Variants in ZBTB20 observed in about 807,000 individuals in gnomAD.
ZBTB20 encodes the protein zinc finger and BTB domain containing 20, also known as zinc finger and BTB domain-containing protein 20.
A neutral mutation model predicts 56.9 loss-of-function variants in ZBTB20; 9 were observed. The ratio of observed to expected loss-of-function variants is 0.16; its 90% confidence interval spans 0.10 to 0.28. The LOEUF is 0.28. Ranked by LOEUF, ZBTB20 falls within the 10% of genes least tolerant of loss-of-function variation. The pLI is 1.00. For missense variants in ZBTB20, 655 were observed against 1,003.0 expected (o/e 0.65, Z 4.69); for synonymous variants, 417 against 420.7 (o/e 0.99, Z 0.11).
intron 4 of ZBTB20, among the ~76,000 whole-genome samples, chr3:114,826,931 G>C (rs2073559043): frequency 6.6e-6 from 1 of 151,574 alleles, no homozygotes; most frequent in Non-Finnish European, 1.5e-5. Context: ...TATTGAACAA[G>C]GTATGTATGT....
chr3:114,508,923 T>C (rs372356512), intron 6 of ZBTB20, among the ~76,000 whole-genome samples: 72 of 152,124 alleles, frequency 4.7e-4, no homozygotes, highest in African/African-American at 1.6e-3. Context: ...AAGAAACGTT[T>C]TGTTTAGTAT....
intron 2 of ZBTB20, among the ~76,000 whole-genome samples, chr3:115,019,984 A>T (rs532789127): frequency 2.7e-4 from 41 of 151,436 alleles, no homozygotes; most frequent in African/African-American, 9.6e-4. Flanking sequence ...AGAACAGTCC[A>T]GCTAACAGAA....
chr3:114,844,930 T>C (rs1169522403), intron 4 of ZBTB20, among the ~76,000 whole-genome samples: 1 of 151,472 alleles, frequency 6.6e-6, no homozygotes, highest in Non-Finnish European at 1.5e-5. Flanking sequence ...TGTATATTAT[T>C]GAGTTTTCGA....
At chr3:115,051,697 T>C (rs1430274403) in intron 2 of ZBTB20, among the ~76,000 whole-genome samples, 1 of 152,206 alleles carries the variant, frequency 6.6e-6, no homozygotes, top group Admixed American at 6.5e-5. Context: ...CAGCAAGTTC[T>C]TTTTCCAATT....
chr3:114,470,685 A>G (rs911606040), intron 7 of ZBTB20, among the ~76,000 whole-genome samples: 1 of 152,056 alleles, frequency 6.6e-6, no homozygotes, highest in African/African-American at 2.4e-5. Flanking sequence ...TTGTCCATGG[A>G]TTTTAAGTGG....
At chr3:114,531,118 T>C (rs2110027956) in intron 6 of ZBTB20, among the ~76,000 whole-genome samples, 1 of 152,298 alleles carries the variant, frequency 6.6e-6, no homozygotes, top group East Asian at 1.9e-4. Context: ...TCCTGGGCAT[T>C]TTAAGAAAAT....
intron 7 of ZBTB20, among the ~76,000 whole-genome samples, chr3:114,389,887 C>CAAAAAAAAAAAAAAAAAAAAAAAAAA (rs34247337): frequency 1.3e-5 from 1 of 77,630 alleles, no homozygotes. Context: ...GAGTCCATCT[C>CAAAAAAAAAAAAAAAAAAAAAAAAAA]AAAAAAAAAA....
intron 4 of ZBTB20, among the ~76,000 whole-genome samples, chr3:114,893,821 A>G (rs1425549491): frequency 1.3e-5 from 2 of 152,210 alleles, no homozygotes; most frequent in East Asian, 3.8e-4. Context: ...TGCCATCCAT[A>G]CAAATGGGGG....
At chr3:114,385,277 G>A (rs985435741) in intron 8 of ZBTB20, among the ~76,000 whole-genome samples, 2 of 152,076 alleles carry the variant, frequency 1.3e-5, no homozygotes, top group African/African-American at 4.8e-5. Context: ...CTTAGTATCT[G>A]GGCAGGAGAG....
At chr3:115,118,189 C>A (rs951015538) in intron 1 of ZBTB20, among the ~76,000 whole-genome samples, 6 of 152,092 alleles carry the variant, frequency 3.9e-5, no homozygotes, top group Non-Finnish European at 8.8e-5. Flanking sequence ...TATTGTAGAT[C>A]TCTTTTTTAA....
rs765023562 is a variant in ZBTB20, at chr3:114,339,269, G to A, written c.1962C>T (p.Arg654=). ...CGTAGGACTTCTCTCCCCGGTGGAG[G>A]CGCATGTGCACGTTGAGGGAGCTCT... The part of the protein sequence containing the change: ...TQKSSLNVHM[R]LHRGEKSYEC... Residue 654 remains arginine, a synonymous_variant, in exon 12 of 12, where the codon CGC becomes CGT. Coordinates refer to ENST00000675478, the MANE Select transcript of ZBTB20 (RefSeq NM_001348800.3). This position sits in a 1 kb window ranked among gnomAD's most constrained non-coding sequence, Gnocchi z 4.2. 7 of 1,614,224 alleles carry A rather than the reference G, an allele frequency of 4.3e-6. No homozygotes were observed. The highest frequency in any genetic ancestry group is 1.6e-4 in the Middle Eastern group (1 of 6,062).
intron 1 of ZBTB20, among the ~76,000 whole-genome samples, chr3:115,135,036 T>C (rs540930166): frequency 7.2e-5 from 11 of 152,354 alleles, no homozygotes; most frequent in South Asian, 2.1e-4. Context: ...GGATAAATAT[T>C]GATCTCCTCC....
intron 4 of ZBTB20, among the ~76,000 whole-genome samples, chr3:114,803,837 T>C (rs1413865907): frequency 3.0e-5 from 2 of 66,416 alleles, no homozygotes; most frequent in Non-Finnish European, 1.0e-4. Flanking sequence ...ACCTTTAAAA[T>C]AGATTTCAGA....
At chr3:114,461,304 C>A (rs1045759452) in intron 7 of ZBTB20, among the ~76,000 whole-genome samples, 20 of 151,486 alleles carry the variant, frequency 1.3e-4, no homozygotes, top group East Asian at 5.9e-4. Context: ...CCTCCCCCCC[C>A]CCTCTTTTTT....
chr3:114,713,873 T>G (rs1351718236), intron 5 of ZBTB20: 1 of 152,586 alleles, frequency 6.6e-6, no homozygotes, highest in African/African-American at 2.4e-5. Flanking sequence ...CTCCCATGAC[T>G]AAAAAGATCA....
intron 7 of ZBTB20, among the ~76,000 whole-genome samples, chr3:114,452,956 T>C (rs907957355): frequency 5.2e-5 from 4 of 77,068 alleles, no homozygotes; most frequent in Non-Finnish European, 9.5e-5. Context: ...ATAAATGCAT[T>C]AAGAGGAGAA....
intron 1 of ZBTB20, among the ~76,000 whole-genome samples, chr3:115,075,620 CA>C (rs2082567170): frequency 6.6e-6 from 1 of 152,082 alleles, no homozygotes; most frequent in South Asian, 2.1e-4. Context: ...AAAGTACCAA[CA>C]GAAGTAAAGT....
At chr3:114,507,112 A>T (rs1363334255) in intron 6 of ZBTB20, among the ~76,000 whole-genome samples, 3 of 152,212 alleles carry the variant, frequency 2.0e-5, no homozygotes, top group Non-Finnish European at 4.4e-5. Context: ...GAGTGGGGGC[A>T]AGATGAGCTT....
intron 10 of ZBTB20, among the ~76,000 whole-genome samples, chr3:114,373,235 TTGAC>T (rs758682651): frequency 7.2e-5 from 11 of 152,336 alleles, no homozygotes; most frequent in Admixed American, 1.3e-4. Flanking sequence ...CTTTCTTACT[TTGAC>T]TGGCTGTGTG....
Sources: gnomAD v4.1 joint callset for allele counts (sites outside exome capture counted in the v4.1 genomes callset) on GRCh38, gnomAD v4.1.1 for gene constraint, Gnocchi (gnomAD v3.1) non-coding constraint, MANE v1.5 for transcripts, NCBI Gene and HGNC (gene_info 2026-07-23, HGNC 2026-07-21) for gene names.